ESCO1: variants seen among roughly 807,000 people sequenced by gnomAD.
ESCO1 encodes the protein establishment of sister chromatid cohesion N-acetyltransferase 1.
A neutral mutation model predicts 83.5 loss-of-function variants in ESCO1; 33 were observed. That is an observed-to-expected ratio of 0.40 (90% CI 0.30 to 0.53). ESCO1 has a LOEUF of 0.53. ESCO1 is among the 20% of genes least tolerant of loss of function. The pLI is 0.63. For synonymous variants in ESCO1, 332 were observed against 324.3 expected (o/e 1.02, Z -0.25); for missense variants, 855 against 968.0 (o/e 0.88, Z 1.55).
intron 8 of ESCO1, among the ~76,000 whole-genome samples, chr18:21,553,477 T>A (rs866915995): frequency 9.4e-5 from 13 of 138,984 alleles, no homozygotes; most frequent in African/African-American, 3.6e-4. Context: ...AAAAAAAAAA[T>A]TTTTTTTGAA....
intron 5 of ESCO1, among the ~76,000 whole-genome samples, chr18:21,567,767 A>AG (rs2038282265): frequency 6.6e-6 from 1 of 152,226 alleles, no homozygotes; most frequent in South Asian, 2.1e-4. Flanking sequence ...TTTGGTAGGG[A>AG]GTCAAAGGGT....
intron 4 of ESCO1, among the ~76,000 whole-genome samples, chr18:21,572,174 A>G (rs1362823768): frequency 6.6e-6 from 1 of 152,220 alleles, no homozygotes; most frequent in Non-Finnish European, 1.5e-5. Flanking sequence ...GAATTAGAAC[A>G]CCTGGATTCT....
At chr18:21,532,412 C>T in intron 11 of ESCO1, 61 bp downstream of exon 11, 1 of 1,517,102 alleles carries the variant, frequency 6.6e-7, no homozygotes, top group South Asian at 1.3e-5. Context: ...AATCTTTACA[C>T]TAAAGCTCTG....
intron 5 of ESCO1, among the ~76,000 whole-genome samples, chr18:21,567,006 T>G (rs529983121): frequency 3.9e-5 from 6 of 152,352 alleles, no homozygotes; most frequent in Non-Finnish European, 7.3e-5. Flanking sequence ...TTAAATCATG[T>G]CAATGATTAT....
chr18:21,529,384 A>T lies in ESCO1; in HGVS notation c.*959T>A, dbSNP rs2037738156. ...TAAAAGGCCACAGCAGTTTTTCAAC[A>T]TATAAACCCTTTAAAAGTAGAGGGC... On this transcript the variant is annotated 3_prime_UTR_variant, in exon 12 of 12. Coordinates refer to ENST00000269214, the MANE Select transcript of ESCO1 (RefSeq NM_052911.3). The T allele has an allele frequency of 6.6e-6, 1 of 152,550 alleles. No individual in the cohort carries two copies. The highest frequency in any genetic ancestry group is 2.1e-4 in the South Asian group (1 of 4,834). 9.4% of individuals were successfully genotyped at this position (152,550 alleles called of 1,614,324 possible).
At position 21,574,736 on chromosome 18, in the gene ESCO1, T is replaced by C; in HGVS notation, c.108A>G (p.Ala36=). The change falls in exon 4 of 12, where the codon GCA becomes GCG. Residue 36 remains alanine (A), a synonymous_variant. Coordinates refer to ENST00000269214, the MANE Select transcript of ESCO1 (RefSeq NM_052911.3). ...TEIQDSQKNL[A]KKSGPKETIK... ...TAGTCTCCTTTGGACCTGATTTTTT[T>C]GCTAGATTCTTTTGAGAATCCTGAA... 1 of 1,610,976 alleles carries C rather than the reference T, an allele frequency of 6.2e-7. No individual in the cohort carries two copies. Among genetic ancestry groups the C allele is most frequent in the Non-Finnish European group, 8.5e-7 (1 of 1,179,902 alleles).
chr18:21,552,761 T>C (rs2038061545), intron 8 of ESCO1, among the ~76,000 whole-genome samples: 1 of 152,282 alleles, frequency 6.6e-6, no homozygotes, highest in Non-Finnish European at 1.5e-5. Flanking sequence ...TTTCAACAAA[T>C]GGTGCTGAAC....
At chr18:21,533,365 G>T (rs912277436) in intron 10 of ESCO1, among the ~76,000 whole-genome samples, 1 of 151,806 alleles carries the variant, frequency 6.6e-6, no homozygotes, top group African/African-American at 2.4e-5. Flanking sequence ...GTGCGATCTC[G>T]GCTCACTGCA....
chr18:21,553,103 A>C (rs2038065132), intron 8 of ESCO1, among the ~76,000 whole-genome samples: 1 of 152,178 alleles, frequency 6.6e-6, no homozygotes, highest in Non-Finnish European at 1.5e-5. Context: ...CAAGCTGGGC[A>C]ATATAGGGAA....
At chr18:21,534,399 G>A (rs757226763) in intron 10 of ESCO1, among the ~76,000 whole-genome samples, 2 of 152,190 alleles carry the variant, frequency 1.3e-5, no homozygotes, top group Non-Finnish European at 2.9e-5. Context: ...GAGTTCATGA[G>A]CAAGCACTTA....
At chr18:21,598,303 A>C (rs2038793276) in intron 1 of ESCO1, among the ~76,000 whole-genome samples, 1 of 152,240 alleles carries the variant, frequency 6.6e-6, no homozygotes, top group African/African-American at 2.4e-5. Context: ...ACTATCTGGC[A>C]AAAGAAGTTA....
chr18:21,574,132 T>A lies in ESCO1; in HGVS notation c.712A>T (p.Lys238Ter). The change falls in exon 4 of 12, where the codon AAA becomes TAA. Residue 238 changes from lysine (K) to a stop codon, truncating the protein, a stop_gained. Coordinates refer to ENST00000269214, the MANE Select transcript of ESCO1 (RefSeq NM_052911.3). LOFTEE classifies it high-confidence loss of function. ...ACCTCAGAAGTTACAGGCACAGGTT[T>A]CGTTTCGTCTCTTCTAGTAGTCTTC... is the stretch of plus-strand genomic sequence containing the variant. ...PQKTTRRDETKPVPVTSEVKR... is the reference protein window; with the variant it reads ...PQKTTRRDET 1 of 1,613,774 alleles carries A rather than the reference T, an allele frequency of 6.2e-7. No individual in the cohort carries two copies. The highest frequency in any genetic ancestry group is 2.2e-5 in the East Asian group (1 of 44,884).
chr18:21,595,966 AAAAT>A (rs894360932), intron 1 of ESCO1, among the ~76,000 whole-genome samples: 29 of 151,934 alleles, frequency 1.9e-4, no homozygotes, highest in African/African-American at 6.5e-4. Flanking sequence ...TCCATCTCAA[AAAAT>A]AAATAAATAA....
intron 1 of ESCO1, among the ~76,000 whole-genome samples, chr18:21,587,061 C>T (rs1314090985): frequency 6.6e-6 from 1 of 152,086 alleles, no homozygotes. Context: ...ATATGCTGAA[C>T]CAACTGTGCA....
chr18:21,560,791 C>G (rs1031670376), intron 8 of ESCO1, 68 bp downstream of exon 8: 1 of 1,555,562 alleles, frequency 6.4e-7, no homozygotes, highest in Non-Finnish European at 8.6e-7. Context: ...AATTTGGCAA[C>G]TCATCTCATT....
intron 1 of ESCO1, among the ~76,000 whole-genome samples, chr18:21,593,996 T>C (rs1430206411): frequency 1.3e-5 from 2 of 152,122 alleles, no homozygotes; most frequent in African/African-American, 4.8e-5. Context: ...GAGTCTTTGT[T>C]ATGGGTGGGC....
intron 2 of ESCO1, among the ~76,000 whole-genome samples, chr18:21,580,251 A>C (rs1357296875): frequency 1.3e-5 from 2 of 152,012 alleles, no homozygotes; most frequent in African/African-American, 4.8e-5. Flanking sequence ...TGAGGAAAAA[A>C]ACTTTTTAAT....
intron 1 of ESCO1, among the ~76,000 whole-genome samples, chr18:21,595,668 CAA>C (rs1319432247): frequency 1.2e-5 from 1 of 83,100 alleles, no homozygotes. Flanking sequence ...ACTCCGACTC[CAA>C]AAAAAAAAAT....
chr18:21,580,558 T>C (rs929788432), intron 2 of ESCO1, among the ~76,000 whole-genome samples: 1 of 151,932 alleles, frequency 6.6e-6, no homozygotes, highest in Non-Finnish European at 1.5e-5. Flanking sequence ...CACCAAAAAA[T>C]AAGCATGTTA....
Sources: allele counts gnomAD v4.1 joint callset (sites outside exome capture counted in the v4.1 genomes callset), GRCh38; gene constraint gnomAD v4.1.1; transcripts MANE v1.5; gene names NCBI Gene and HGNC (gene_info 2026-07-23, HGNC 2026-07-21).